ERCC6: variants seen among roughly 807,000 people sequenced by gnomAD.
The protein encoded by ERCC6 is DNA excision repair protein ERCC-6.
A neutral mutation model predicts 158.7 loss-of-function variants in ERCC6; 116 were observed. The observed-to-expected ratio is 0.73, with a 90% CI of 0.63 to 0.85. The LOEUF is 0.85. Among genes scored for constraint, ERCC6 ranks in the 40% least tolerant of loss-of-function variants. ERCC6 has a pLI of 0.00. For missense variants in ERCC6, 1,698 were observed against 1,799.4 expected (o/e 0.94, Z 1.02); for synonymous variants, 678 against 659.3 (o/e 1.03, Z -0.43).
intron 18 of ERCC6, among the ~76,000 whole-genome samples, chr10:49,463,179 A>T (rs1352334169): frequency 2.2e-4 from 34 of 152,204 alleles, no homozygotes; most frequent in Non-Finnish European, 1.5e-5. Context: ...TCTAAACACA[A>T]AATGTATATA....
chr10:49,530,762 G>C lies in ERCC6; in HGVS notation c.501C>G (p.Ile167Met), dbSNP rs996939912. 2 of 1,613,682 alleles carry C rather than the reference G, an allele frequency of 1.2e-6. No individual in the cohort carries two copies. The highest frequency in any genetic ancestry group is 1.7e-6 in the Non-Finnish European group (2 of 1,179,866). ...LSPQAATSRD[I>M]NRKLDSVKRQ... is the part of the protein sequence containing the mutation. ...GTTTTACAGAATCTAGTTTCCTGTT[G>C]ATGTCTCTGCTGGTGGCAGCTTGAG... Residue 167 changes from isoleucine (I) to methionine (M), a missense_variant, in exon 3 of 21, where the codon ATC becomes ATG. Ile to Met is a conservative substitution (Grantham distance 10). Transcript: ENST00000355832.
intron 3 of ERCC6, among the ~76,000 whole-genome samples, chr10:49,530,006 GA>G (rs1432717869): frequency 6.6e-6 from 1 of 152,030 alleles, no homozygotes; most frequent in Non-Finnish European, 1.5e-5. Flanking sequence ...AAGGTGGGAG[GA>G]AGGGCCAAGC....
At position 49,524,537 on chromosome 10, in the gene ERCC6, G is replaced by A; in HGVS notation, c.893C>T (p.Ala298Val). 6.2e-7 allele frequency: 1 copy of A among 1,614,230 alleles called. No homozygotes were observed. Among genetic ancestry groups the A allele is most frequent in the Non-Finnish European group, 8.5e-7 (1 of 1,180,040 alleles). The part of the protein sequence containing the change: ...QGCNKRAARK[A>V]PAPVTPPAPV... ...GGCTGGAGGCGTGACTGGGGCTGGA[G>A]CTTTTCTAGCTGCTCTTTTATTACA... The change falls in exon 5 of 21, where the codon GCT (alanine) becomes GTT (valine). Residue 298 changes from alanine to valine, a missense_variant. Ala to Val is a moderately conservative substitution (Grantham distance 64). Coordinates refer to ENST00000355832, the MANE Select transcript of ERCC6 (RefSeq NM_000124.4).
the ERCC6 span, among the ~76,000 whole-genome samples, chr10:49,437,199 C>T: frequency 1.6e-4 from 24 of 152,254 alleles, no homozygotes; most frequent in African/African-American, 5.1e-4. Context: ...CCTTGCCTTC[C>T]GCCATGATTA....
intron 5 of ERCC6, chr10:49,515,680 C>T (rs1836929691): frequency 1.9e-6 from 3 of 1,613,950 alleles, no homozygotes; most frequent in African/African-American, 1.3e-5. Context: ...CATTTCTTTC[C>T]ACGGATTGAT....
At chr10:49,502,674 CAA>C (rs1851375089) in intron 6 of ERCC6, 1 of 152,100 alleles carries the variant, frequency 6.6e-6, no homozygotes, top group South Asian at 2.1e-4. Context: ...TGATCTAGAC[CAA>C]TAGTTCTCAG....
intron 5 of ERCC6, chr10:49,517,254 C>T: frequency 1.5e-6 from 2 of 1,294,248 alleles, no homozygotes; most frequent in Non-Finnish European, 2.1e-6. Flanking sequence ...TTTTACCGCA[C>T]AATAGCATAA....
intron 10 of ERCC6, among the ~76,000 whole-genome samples, chr10:49,482,222 T>C (rs1850992132): frequency 6.6e-6 from 1 of 152,174 alleles, no homozygotes; most frequent in South Asian, 2.1e-4. Context: ...AAGGGGCATG[T>C]CTCATTAAAT....
intron 19 of ERCC6, among the ~76,000 whole-genome samples, chr10:49,461,091 C>CAGGA (rs1246711297): frequency 2.6e-5 from 4 of 152,168 alleles, no homozygotes; most frequent in Non-Finnish European, 4.4e-5. Flanking sequence ...GTATCTCTTA[C>CAGGA]TATTTTTAAC....
chr10:49,461,587 T>C (rs775442509), intron 18 of ERCC6, 31 bp from the exon 19 acceptor site: 2 of 1,590,752 alleles, frequency 1.3e-6, no homozygotes, highest in African/African-American at 2.7e-5. Flanking sequence ...AAAGTGATAT[T>C]TCACTCTGTA....
At position 49,458,654 on chromosome 10, in the gene ERCC6, G is replaced by A; in HGVS notation, c.*161C>T. The A allele has an allele frequency of 1.4e-6, 1 of 695,194 alleles. No individual in the cohort carries two copies. Among genetic ancestry groups the A allele is most frequent in the South Asian group, 1.9e-5 (1 of 53,228 alleles). The allele number at this position is 695,194 out of a possible 1,614,324, so 43.1% of individuals were successfully genotyped here. ...ATTAAAACTTTTAACTTTCAGAGAA[G>A]AGTTTCTTCTTCCTTAAAGTTTTAA... On this transcript the variant is annotated 3_prime_UTR_variant, in exon 21 of 21. Coordinates refer to ENST00000355832, the MANE Select transcript of ERCC6 (RefSeq NM_000124.4).
Position 49,454,597 on chromosome 10 carries a change from T to A in ERCC6, c.*4218A>T, listed in dbSNP as rs1400863516. Among the ~76,000 whole-genome samples, 1 of 151,988 alleles carries A rather than the reference T, an allele frequency of 6.6e-6. No homozygotes were observed. Among genetic ancestry groups the A allele is most frequent in the Non-Finnish European group, 1.5e-5 (1 of 68,048 alleles). ...ATTTTTTGTTACAATTTTCACTAGT[T>A]ATAGCTAATTCCTAGGACAGTGGGT... On this transcript the variant is annotated 3_prime_UTR_variant, in exon 21 of 21. Coordinates refer to ENST00000355832, the MANE Select transcript of ERCC6 (RefSeq NM_000124.4).
chr10:49,446,572 C>T, the ERCC6 span, among the ~76,000 whole-genome samples: 2,221 of 152,180 alleles, frequency 0.015, 46 homozygotes, highest in African/African-American at 0.049. Context: ...GCCAAGAGTT[C>T]AAGACTGGCC....
At chr10:49,486,059 G>A (rs565297276) in intron 8 of ERCC6, among the ~76,000 whole-genome samples, 1 of 152,310 alleles carries the variant, frequency 6.6e-6, no homozygotes, top group East Asian at 1.9e-4. Flanking sequence ...TGAACAGAAA[G>A]AGGGATATTT....
rs373001458 is a variant in ERCC6 at position 49,516,376 on chromosome 10, G to A, written c.1397+7657C>T. On this transcript the variant is annotated intron_variant, in intron 5 of 20. Transcript: ENST00000355832. Reference sequence around the variant, plus strand: ...TCATTAAGTTTGCTTATGAGAGGTCGCAATTTGGAAAATTTGTCCACTGGA... The same window carrying A: ...TCATTAAGTTTGCTTATGAGAGGTCACAATTTGGAAAATTTGTCCACTGGA... 17 of 1,613,934 alleles carry A rather than the reference G, an allele frequency of 1.1e-5. No individual in the cohort carries two copies. In the African/African-American group the frequency reaches 1.1e-4, roughly 10 times the overall value.
chr10:49,528,321 C>T (rs1837388999), intron 4 of ERCC6, 96 bp downstream of exon 4: 2 of 1,474,468 alleles, frequency 1.4e-6, no homozygotes, highest in African/African-American at 2.8e-5. Context: ...GTATTTTTCT[C>T]AAAACCCAGG....
chr10:49,488,939 C>T (rs566780471), intron 8 of ERCC6, among the ~76,000 whole-genome samples: 6 of 152,250 alleles, frequency 3.9e-5, no homozygotes, highest in African/African-American at 1.4e-4. Context: ...TGCCTGCCAC[C>T]ACGCCTGGCT....
At chr10:49,527,277 G>A (rs1837362425) in intron 4 of ERCC6, among the ~76,000 whole-genome samples, 1 of 152,196 alleles carries the variant, frequency 6.6e-6, no homozygotes, top group South Asian at 2.1e-4. Flanking sequence ...ATCTGAGACG[G>A]CCAGACAGGA....
chr10:49,439,365 A>G, the ERCC6 span, among the ~76,000 whole-genome samples: 1 of 152,218 alleles, frequency 6.6e-6, no homozygotes, highest in Admixed American at 6.5e-5. Flanking sequence ...CACCATCTGA[A>G]GCCATGGCCT....
Sources: allele counts gnomAD v4.1 joint callset (sites outside exome capture counted in the v4.1 genomes callset), GRCh38; gene constraint gnomAD v4.1.1; transcripts MANE v1.5; gene names NCBI Gene and HGNC (gene_info 2026-07-23, HGNC 2026-07-21).